MLIP: variants seen among roughly 807,000 people sequenced by gnomAD.
The protein encoded by MLIP is muscular LMNA-interacting protein.
In MLIP, 79 loss-of-function variants were observed where a neutral mutation model predicts 84.8. That is an observed-to-expected ratio of 0.93 (90% confidence interval 0.78 to 1.12). The LOEUF (loss-of-function observed/expected upper bound fraction) is 1.12, where lower values mean the gene tolerates loss of function less well. Ranked by LOEUF, MLIP falls within the 50% of genes most tolerant of loss-of-function variation. The pLI, the probability that MLIP is intolerant of heterozygous loss-of-function variation, is 0.00. For synonymous variants in MLIP, 504 were observed against 463.0 expected, an observed-to-expected ratio of 1.09 and a Z score of -1.14; for missense variants, 1,257 against 1,160.6, an observed-to-expected ratio of 1.08 and a Z score of -1.21.
rs1178928048 is a variant in MLIP, at chr6:54,213,729, A to C, written c.2718+11496A>C. On this transcript the variant is annotated intron_variant, in intron 11 of 13. Transcript: ENST00000502396. ...TCTCAAAAAAAAAAAAAAAAAAAAA[A>C]AAAAAAACAACAAACAGCATATCTT... Among the ~76,000 whole-genome samples the C allele has an allele frequency of 5.0e-4, 69 of 138,608 alleles. 3 individuals are homozygous for C. The highest frequency in any genetic ancestry group is 1.9e-3 in the African/African-American group (65 of 33,372). The allele number at this position is 138,608 out of a possible 152,430, so 90.9% of individuals were successfully genotyped here.
chr6:54,066,585 A>G (rs570706310), intron 1 of MLIP, among the ~76,000 whole-genome samples: 1 of 100,244 alleles, frequency 1.0e-5, no homozygotes, highest in Admixed American at 9.3e-5. Context: ...GTATAGCACA[A>G]TGCCAAATTT....
intron 1 of MLIP, among the ~76,000 whole-genome samples, chr6:54,050,370 A>G (rs1173122279): frequency 1.3e-5 from 2 of 152,166 alleles, no homozygotes; most frequent in East Asian, 1.9e-4. Context: ...ATACAAACAC[A>G]TACATGTACA....
At chr6:54,225,764 A>G (rs956820610) in intron 11 of MLIP, among the ~76,000 whole-genome samples, 16 of 152,238 alleles carry the variant, frequency 1.1e-4, no homozygotes, top group Non-Finnish European at 1.2e-4. Flanking sequence ...TATTAAATAA[A>G]CAAAACAGAA....
Position 54,062,993 on chromosome 6 carries a change from G to A in MLIP, c.63+43902G>A, listed in dbSNP as rs140813825. Among the ~76,000 whole-genome samples, 48 of 152,066 alleles carry A rather than the reference G, an allele frequency of 3.2e-4. No homozygotes were observed. The East Asian group carries it at 6.6e-3, about 21-fold the overall frequency. On this transcript the variant is annotated intron_variant, in intron 1 of 12. Transcript: ENST00000274897. ...CGAGGCGGGTGGATTACTTGAGGTC[G>A]CAGTTCGAGACAAGCCTGATCAACA...
intron 1 of MLIP, among the ~76,000 whole-genome samples, chr6:54,115,328 C>T (rs1307958968): frequency 2.0e-5 from 3 of 152,082 alleles, no homozygotes; most frequent in African/African-American, 7.2e-5. Flanking sequence ...AAAAGAGTAA[C>T]TGTGGTCAAC....
At chr6:54,129,153 T>C (rs1771173764) in intron 3 of MLIP, among the ~76,000 whole-genome samples, 1 of 152,094 alleles carries the variant, frequency 6.6e-6, no homozygotes, top group African/African-American at 2.4e-5. Context: ...CATGGATTCA[T>C]AGAAAAGGGA....
At chr6:54,030,808 C>T (rs548588776) in intron 1 of MLIP, 1 of 151,924 alleles carries the variant, frequency 6.6e-6, no homozygotes, top group African/African-American at 2.4e-5. Context: ...ATTTACCTAC[C>T]TACAGGCCAG....
chr6:54,122,273 A>G (rs1200862691), intron 2 of MLIP, among the ~76,000 whole-genome samples: 1 of 152,192 alleles, frequency 6.6e-6, no homozygotes, highest in East Asian at 1.9e-4. Context: ...AGTTATACTG[A>G]TGGTAATTAG....
chr6:54,094,407 T>G (rs996135727), intron 1 of MLIP, among the ~76,000 whole-genome samples: 6 of 152,148 alleles, frequency 3.9e-5, no homozygotes, highest in Non-Finnish European at 8.8e-5. Flanking sequence ...ATATTTTTAT[T>G]TTATTCTGGA....
chr6:54,130,358 G>A (rs1379549351), intron 3 of MLIP, among the ~76,000 whole-genome samples: 3 of 152,070 alleles, frequency 2.0e-5, no homozygotes, highest in African/African-American at 7.2e-5. Flanking sequence ...TCAGAACTTG[G>A]CTGGGGAGGT....
chr6:54,240,972 C>T (rs1781698721), intron 12 of MLIP, among the ~76,000 whole-genome samples: 1 of 151,754 alleles, frequency 6.6e-6, no homozygotes, highest in Non-Finnish European at 1.5e-5. Context: ...GAGACTCCGT[C>T]TCAAAAAATA....
intron 13 of MLIP, among the ~76,000 whole-genome samples, chr6:54,258,192 T>C (rs1783141722): frequency 6.6e-6 from 1 of 152,076 alleles, no homozygotes; most frequent in Non-Finnish European, 1.5e-5. Flanking sequence ...ATGCTTAATT[T>C]TGCAGCCTCC....
At chr6:54,164,914 C>T (rs1197289601) in intron 8 of MLIP, among the ~76,000 whole-genome samples, 2 of 151,838 alleles carry the variant, frequency 1.3e-5, no homozygotes, top group Non-Finnish European at 2.9e-5. Context: ...ATAAAGCTGC[C>T]AAGAACATTT....
chr6:54,052,677 T>C (rs1193213324), intron 1 of MLIP, among the ~76,000 whole-genome samples: 1 of 151,496 alleles, frequency 6.6e-6, no homozygotes, highest in Non-Finnish European at 1.5e-5. Flanking sequence ...TCTTTCACTG[T>C]TTTTTTGGAG....
chr6:54,148,162 A>G (rs1403727513), intron 4 of MLIP, among the ~76,000 whole-genome samples: 1 of 152,132 alleles, frequency 6.6e-6, no homozygotes, highest in East Asian at 1.9e-4. Context: ...GCTCTGTGCC[A>G]ATTTCCTCAC....
In MLIP at chr6:54,050,708, C is replaced by A. The variant is rs191524517; in HGVS notation, c.63+31617C>A. ...TCGTGGAAGAGAATGTTGTTTTGCC[C>A]CAGCTGGTTAAAATAGAGAAATGAG... On this transcript the variant is annotated intron_variant, in intron 1 of 12. Transcript: ENST00000274897. Among the ~76,000 whole-genome samples the A allele has an allele frequency of 2.0e-5, 3 of 152,020 alleles. No individual in the cohort carries two copies. In the East Asian group the frequency reaches 5.8e-4, roughly 29 times the overall value.
chr6:54,065,184 G>C (rs1170575487), intron 1 of MLIP, among the ~76,000 whole-genome samples: 1 of 100,674 alleles, frequency 9.9e-6, no homozygotes, highest in Non-Finnish European at 2.9e-5. Flanking sequence ...AATGGAGAAA[G>C]AGCTGTACCT....
intron 12 of MLIP, among the ~76,000 whole-genome samples, chr6:54,231,810 A>G (rs567343332): frequency 6.6e-6 from 1 of 152,340 alleles, no homozygotes; most frequent in East Asian, 1.9e-4. Flanking sequence ...ATCTTCCAGA[A>G]TGTAGTTGGA....
intron 1 of MLIP, among the ~76,000 whole-genome samples, chr6:54,056,967 CAGAAA>C (rs1228576806): frequency 2.6e-5 from 4 of 152,204 alleles, no homozygotes; most frequent in Middle Eastern, 3.4e-3. Flanking sequence ...AAGTAAGTCA[CAGAAA>C]AGAAAAGAAA....
Sources: allele counts gnomAD v4.1 joint callset (sites outside exome capture counted in the v4.1 genomes callset), GRCh38; gene constraint gnomAD v4.1.1; transcripts MANE v1.5; gene names NCBI Gene and HGNC (gene_info 2026-07-23, HGNC 2026-07-21).